Variants in SAXO1 observed in about 807,000 individuals in gnomAD.
The protein encoded by SAXO1 is stabilizer of axonemal microtubules 1, also known as 4930500O09Rik.
A neutral mutation model predicts 17.5 loss-of-function variants in SAXO1; 21 were observed. The observed-to-expected ratio is 1.20, with a 90% CI of 0.85 to 1.72. The LOEUF is 1.72. SAXO1 is among the 40% of genes most tolerant of loss of function. The pLI, the probability that SAXO1 is intolerant of heterozygous loss-of-function variation, is 0.00. For synonymous variants in SAXO1, 274 were observed against 216.5 expected, an observed-to-expected ratio of 1.27 and a Z score of -2.33; for missense variants, 843 against 596.0, an observed-to-expected ratio of 1.41 and a Z score of -4.32.
intron 1 of SAXO1, among the ~76,000 whole-genome samples, chr9:19,046,863 C>T (rs993828699): frequency 1.3e-5 from 2 of 151,944 alleles, no homozygotes; most frequent in Non-Finnish European, 2.9e-5. Flanking sequence ...AAGATCCTGT[C>T]TCTAAAAATA....
rs528504923 is a variant in SAXO1, at chr9:18,947,533, T to C, written c.218+3225A>G. On this transcript the variant is annotated intron_variant, in intron 2 of 3. Coordinates refer to ENST00000380534, the MANE Select transcript of SAXO1 (RefSeq NM_153707.4). ...CCTTTAGGATAAACGTCTAACACCA[T>C]TGAAGACTCACCTCTTTCTTCTGAT... Among the ~76,000 whole-genome samples the C allele has an allele frequency of 5.3e-5, 8 of 152,224 alleles. No individual in the cohort carries two copies. In the South Asian group the frequency reaches 1.2e-3, roughly 24 times the overall value.
intron 1 of SAXO1, among the ~76,000 whole-genome samples, chr9:18,976,654 T>C (rs941799433): frequency 6.6e-6 from 1 of 152,144 alleles, no homozygotes; most frequent in Non-Finnish European, 1.5e-5. Context: ...CTTTACGAGG[T>C]TAATTGTAAC....
chr9:19,024,946 G>T (rs1355759626), intron 1 of SAXO1, among the ~76,000 whole-genome samples: 1 of 152,200 alleles, frequency 6.6e-6, no homozygotes, highest in African/African-American at 2.4e-5. Context: ...GGATCCATCT[G>T]CAGACTATAA....
At chr9:18,989,498 C>T (rs912798075) in intron 1 of SAXO1, among the ~76,000 whole-genome samples, 6 of 151,960 alleles carry the variant, frequency 3.9e-5, no homozygotes, top group Admixed American at 3.9e-4. Flanking sequence ...TTAATGTATA[C>T]AGATGACCAA....
chr9:19,020,210 A>T (rs952791407), intron 1 of SAXO1, among the ~76,000 whole-genome samples: 1 of 152,216 alleles, frequency 6.6e-6, no homozygotes, highest in African/African-American at 2.4e-5. Context: ...CTTTTCACAA[A>T]CTGAAAAGGC....
At chr9:19,041,446 C>A (rs1836078024) in intron 1 of SAXO1, among the ~76,000 whole-genome samples, 1 of 152,036 alleles carries the variant, frequency 6.6e-6, no homozygotes, top group Non-Finnish European at 1.5e-5. Flanking sequence ...AAAAAACAAT[C>A]CTAAAATGTA....
chr9:19,026,219 G>A (rs899804958), intron 1 of SAXO1, among the ~76,000 whole-genome samples: 1 of 152,106 alleles, frequency 6.6e-6, no homozygotes, highest in Non-Finnish European at 1.5e-5. Flanking sequence ...TTGTACCCCA[G>A]AAATATGTAC....
At position 19,049,235 on chromosome 9, in the gene SAXO1, A is replaced by G. The variant is rs1836295055; in HGVS notation, c.-184T>C. 6.2e-6 allele frequency: 1 copy of G among 161,688 alleles called. No homozygotes were observed. The highest frequency in any genetic ancestry group is 1.3e-5 in the Non-Finnish European group (1 of 74,840). The allele number at this position is 161,688 out of a possible 1,614,324, so 10.0% of individuals were successfully genotyped here. On this transcript the variant is annotated 5_prime_UTR_variant, in exon 1 of 4. Transcript: ENST00000542071. The surrounding 1 kb of genome is among the most constrained non-coding windows in gnomAD (Gnocchi z 5.4). ...CCTAGCAACAGCAAACCCAGCTGCA[A>G]CAGAACAAAAGACCGAAGTCCTCGA...
chr9:19,042,544 A>C (rs576347218), intron 1 of SAXO1, among the ~76,000 whole-genome samples: 1 of 152,360 alleles, frequency 6.6e-6, no homozygotes, highest in Admixed American at 6.5e-5. Context: ...AAGCAATCTA[A>C]GTGTCTATTA....
At chr9:18,996,636 C>G (rs964869857) in intron 1 of SAXO1, among the ~76,000 whole-genome samples, 3 of 152,054 alleles carry the variant, frequency 2.0e-5, no homozygotes, top group Non-Finnish European at 4.4e-5. Context: ...TGGTAAAATT[C>G]AACATCCTTT....
chr9:19,023,576 G>C (rs1430939404), intron 1 of SAXO1, among the ~76,000 whole-genome samples: 2 of 152,126 alleles, frequency 1.3e-5, no homozygotes, highest in Non-Finnish European at 1.5e-5. Flanking sequence ...GTCTGCGCTT[G>C]GAACTGCAAT....
At chr9:18,965,929 G>C (rs557241788) in intron 1 of SAXO1, among the ~76,000 whole-genome samples, 1 of 152,312 alleles carries the variant, frequency 6.6e-6, no homozygotes, top group East Asian at 1.9e-4. Context: ...GCTGTTGTAA[G>C]GCAGGGCTGG....
intron 3 of SAXO1, among the ~76,000 whole-genome samples, chr9:18,931,641 C>A (rs1284778551): frequency 6.6e-6 from 1 of 152,170 alleles, no homozygotes; most frequent in African/African-American, 2.4e-5. Flanking sequence ...CCACCAGCAA[C>A]GTATAAACAT....
Position 19,017,881 on chromosome 9 carries a change from G to C in SAXO1, c.38+14990C>G, listed in dbSNP as rs113926144. Among the ~76,000 whole-genome samples the C allele has an allele frequency of 8.6e-3, 1,306 of 152,212 alleles. 16 individuals carry two copies. Among genetic ancestry groups the C allele is most frequent in the Middle Eastern group, 0.054 (16 of 294 alleles). On this transcript the variant is annotated intron_variant, in intron 1 of 3. Transcript: ENST00000380534. The stretch of plus-strand genomic sequence containing the variant: ...GTGAACTACTGGCATAGAAAACATG[G>C]AACTGGCTGTGCACAGTGGCTCACG...
chr9:19,033,574 C>T (rs902493729), upstream of SAXO1, among the ~76,000 whole-genome samples: 2 of 152,210 alleles, frequency 1.3e-5, no homozygotes, highest in African/African-American at 4.8e-5. Context: ...CCAGATCTTC[C>T]TGTGGAAACC....
chr9:18,929,166 A>G (rs1217045757), intron 3 of SAXO1, 111 bp from the exon 4 acceptor site: 27 of 1,209,592 alleles, frequency 2.2e-5, no homozygotes, highest in Non-Finnish European at 3.1e-5. Context: ...GTTCTTTGAG[A>G]CAAAGAAAGA....
chr9:18,950,505 A>G (rs10119748), intron 2 of SAXO1, among the ~76,000 whole-genome samples: 13,192 of 152,224 alleles, frequency 0.087, 881 homozygotes, highest in African/African-American at 0.2. Context: ...AGATTAATCC[A>G]GCCTTTCCCC....
Position 18,939,757 on chromosome 9 carries a change from T to G in SAXO1, c.421+1880A>C, listed in dbSNP as rs552915070. Among the ~76,000 whole-genome samples the G allele has an allele frequency of 3.9e-5, 6 of 152,348 alleles. No homozygotes were observed. The South Asian group carries it at 1.2e-3, about 32-fold the overall frequency. On this transcript the variant is annotated intron_variant, in intron 3 of 3. Coordinates refer to ENST00000380534, the MANE Select transcript of SAXO1 (RefSeq NM_153707.4). ...TTTTTATCGTAATAGGATCATATGA[T>G]TTGATAAAATAATATGATTTGATAA...
At chr9:18,947,791 C>T (rs1414753764) in intron 2 of SAXO1, 2 of 152,242 alleles carry the variant, frequency 1.3e-5, no homozygotes, top group African/African-American at 2.4e-5. Flanking sequence ...AAATCACAAG[C>T]ATTCCCCTCA....
Sources: gnomAD v4.1 joint callset for allele counts (sites outside exome capture counted in the v4.1 genomes callset) on GRCh38, gnomAD v4.1.1 for gene constraint, Gnocchi (gnomAD v3.1) non-coding constraint, MANE v1.5 for transcripts, NCBI Gene and HGNC (gene_info 2026-07-23, HGNC 2026-07-21) for gene names.